Variants in OSBPL10 observed in about 807,000 individuals in gnomAD.
OSBPL10 encodes oxysterol-binding protein-related protein 10.
A neutral mutation model predicts 81.7 loss-of-function variants in OSBPL10; 49 were observed. The ratio of observed to expected loss-of-function variants is 0.60; its 90% CI spans 0.48 to 0.76. OSBPL10 has a LOEUF of 0.76. OSBPL10 is among the 30% of genes least tolerant of loss of function. The pLI is 0.00. For synonymous variants in OSBPL10, 419 were observed against 383.6 expected (o/e 1.09, Z -1.08); for missense variants, 923 against 987.8 (o/e 0.93, Z 0.88).
At chr3:32,042,872 T>G (rs1699590570) in intron 2 of OSBPL10, among the ~76,000 whole-genome samples, 1 of 151,766 alleles carries the variant, frequency 6.6e-6, no homozygotes, top group South Asian at 2.1e-4. Flanking sequence ...CTGATAAGGG[T>G]CCAAAGATCA....
intron 4 of OSBPL10, 36 bp from the exon 5 acceptor site, chr3:31,748,156 G>C (rs754538997): frequency 6.4e-7 from 1 of 1,567,388 alleles, no homozygotes; most frequent in South Asian, 1.1e-5. Context: ...GGTGAGGGGC[G>C]GAAGTTCTTT....
chr3:31,722,270 A>G, intron 6 of OSBPL10, among the ~76,000 whole-genome samples: 1 of 152,146 alleles, frequency 6.6e-6, no homozygotes, highest in East Asian at 1.9e-4. Flanking sequence ...TTCTCAGATG[A>G]TATAAACAAA....
intron 4 of OSBPL10, among the ~76,000 whole-genome samples, chr3:31,808,656 T>A (rs552199113): frequency 1.3e-5 from 2 of 152,328 alleles, no homozygotes; most frequent in African/African-American, 4.8e-5. Context: ...GAAAATAGAA[T>A]AATTAAAAGG....
At chr3:31,709,048 T>A (rs1696168950) in intron 6 of OSBPL10, 1 of 985,290 alleles carries the variant, frequency 1.0e-6, no homozygotes, top group Non-Finnish European at 1.2e-6. Context: ...GGGGACCTTA[T>A]CTTGCCATTT....
intron 5 of OSBPL10, among the ~76,000 whole-genome samples, chr3:31,744,808 T>G (rs1032297473): frequency 9.9e-5 from 15 of 151,982 alleles, no homozygotes; most frequent in Admixed American, 7.9e-4. Flanking sequence ...CAACGAATTT[T>G]CTAGGAAGCC....
intron 2 of OSBPL10, among the ~76,000 whole-genome samples, chr3:31,993,090 G>C (rs904187055): frequency 6.6e-6 from 1 of 152,066 alleles, no homozygotes; most frequent in Non-Finnish European, 1.5e-5. Flanking sequence ...GAAAATATTT[G>C]CAAATCATGT....
At chr3:31,745,261 G>C (rs1697484484) in intron 5 of OSBPL10, among the ~76,000 whole-genome samples, 1 of 152,202 alleles carries the variant, frequency 6.6e-6, no homozygotes, top group Non-Finnish European at 1.5e-5. Context: ...CGATCACTGT[G>C]CTGTCTTTAG....
At chr3:32,023,174 T>C (rs570868467) in intron 2 of OSBPL10, among the ~76,000 whole-genome samples, 1 of 152,326 alleles carries the variant, frequency 6.6e-6, no homozygotes, top group Non-Finnish European at 1.5e-5. Context: ...CATCCAAAAC[T>C]CATCTTGAAT....
At chr3:31,741,950 G>T (rs1047912018) in intron 5 of OSBPL10, among the ~76,000 whole-genome samples, 1 of 152,204 alleles carries the variant, frequency 6.6e-6, no homozygotes, top group Admixed American at 6.5e-5. Context: ...CTGGCCTTCT[G>T]CCATAATTGT....
At chr3:31,939,469 CAA>C (rs1263507783) in intron 1 of OSBPL10, among the ~76,000 whole-genome samples, 1 of 150,106 alleles carries the variant, frequency 6.7e-6, no homozygotes, top group East Asian at 2.0e-4. Flanking sequence ...AAAAAAAAAA[CAA>C]AAAAATTCCC....
At position 31,827,463 on chromosome 3, in the gene OSBPL10, C is replaced by T. The variant is rs374926866; in HGVS notation, c.729+2577G>A. Among the ~76,000 whole-genome samples the T allele has an allele frequency of 7.2e-5, 11 of 152,094 alleles. No homozygotes were observed. The South Asian group carries it at 8.3e-4, about 11-fold the overall frequency. On this transcript the variant is annotated intron_variant, in intron 4 of 11. Coordinates refer to ENST00000396556, the MANE Select transcript of OSBPL10 (RefSeq NM_017784.5). ...CAGCCTGGCTAACACGGTGAAACCC[C>T]GTCTCTACCAAAAATACAAAAAATT...
intron 5 of OSBPL10, among the ~76,000 whole-genome samples, chr3:31,743,955 G>A (rs917685749): frequency 6.6e-6 from 1 of 152,166 alleles, no homozygotes; most frequent in African/African-American, 2.4e-5. Context: ...AGCACTCCCA[G>A]GGCCAACGTA....
rs1402920045 is a variant in OSBPL10 at position 31,878,670 on chromosome 3, T to C, written c.457+985A>G. Among the ~76,000 whole-genome samples, 3 of 152,148 alleles carry C rather than the reference T, an allele frequency of 2.0e-5. No homozygotes were observed. The East Asian group carries it at 5.8e-4, about 29-fold the overall frequency. ...GCAACTGATCATGGTCACGAACAGA[T>C]AGCAAGCAGCCGTTTCTTCATACTT... is the stretch of plus-strand genomic sequence containing the variant. On this transcript the variant is annotated intron_variant, in intron 2 of 11. Transcript: ENST00000396556.
At chr3:31,935,035 T>C (rs1372786204) in intron 1 of OSBPL10, among the ~76,000 whole-genome samples, 2 of 152,162 alleles carry the variant, frequency 1.3e-5, no homozygotes, top group African/African-American at 4.8e-5. Flanking sequence ...TGGGACAAGA[T>C]TGCTACATCC....
At chr3:31,774,502 GTT>G (rs1386063635) in intron 4 of OSBPL10, among the ~76,000 whole-genome samples, 1 of 103,854 alleles carries the variant, frequency 9.6e-6, no homozygotes, top group Admixed American at 9.9e-5. Context: ...TTTGTTTTCT[GTT>G]TTTGTTTTTG....
intron 4 of OSBPL10, among the ~76,000 whole-genome samples, chr3:31,827,296 A>G (rs570483645): frequency 1.8e-4 from 27 of 151,740 alleles, no homozygotes; most frequent in Non-Finnish European, 3.5e-4. Context: ...AGAAAAAACA[A>G]TACGATAAAG....
intron 1 of OSBPL10, among the ~76,000 whole-genome samples, chr3:31,892,139 G>A (rs1256994343): frequency 6.6e-6 from 1 of 151,972 alleles, no homozygotes; most frequent in Non-Finnish European, 1.5e-5. Flanking sequence ...TCTGAGGTGT[G>A]AAGAAATGGA....
At chr3:31,762,528 A>T (rs1034654170) in intron 4 of OSBPL10, among the ~76,000 whole-genome samples, 1 of 151,716 alleles carries the variant, frequency 6.6e-6, no homozygotes, top group African/African-American at 2.4e-5. Context: ...GCTGGAGTAC[A>T]GTGGCATGAT....
At position 31,683,844 on chromosome 3, in the gene OSBPL10, G is replaced by A. The variant is rs373888777; in HGVS notation, c.1516C>T (p.Arg506Cys). The change falls in exon 8 of 12, where the codon CGC becomes TGC. Residue 506 changes from arginine to cysteine, a missense_variant. By Grantham distance (180) the Arg-to-Cys change is radical (BLOSUM62 -3). This residue lies in a region of OSBPL10 where 387 missense variants were observed against 436.3 expected (regional missense o/e 0.89). Transcript: ENST00000396556. Reference protein sequence around the residue: ...DRVKPKRTASRSPASCHEHPM... With the variant: ...DRVKPKRTASCSPASCHEHPM... ...TGTTCGTGACAGCTGGCAGGAGAGC[G>A]GGAAGCAGTCCTCTTAGGCTTGACC... 68 of 1,614,108 alleles carry A rather than the reference G, an allele frequency of 4.2e-5. No individual in the cohort carries two copies. The highest frequency in any genetic ancestry group is 2.4e-4 in the South Asian group (22 of 91,088).
Sources: allele counts gnomAD v4.1 joint callset (sites outside exome capture counted in the v4.1 genomes callset), GRCh38; gene constraint gnomAD v4.1.1; regional missense constraint gnomAD v4.1.1; transcripts MANE v1.5; gene names NCBI Gene and HGNC (gene_info 2026-07-23, HGNC 2026-07-21).